The following ATAD5 variants were observed in gnomAD, a reference collection of about 807,000 sequenced individuals.
ATAD5 encodes the protein ATPase family AAA domain containing 5, also known as ATPase family AAA domain-containing protein 5.
A neutral mutation model predicts 176.9 loss-of-function variants in ATAD5; 58 were observed. The observed-to-expected ratio is 0.33, with a 90% CI of 0.27 to 0.41. ATAD5 has a LOEUF of 0.41. ATAD5 is among the 10% of genes least tolerant of loss of function. The pLI, the probability that ATAD5 is intolerant of heterozygous loss-of-function variation, is 1.00. For missense variants in ATAD5, 1,789 were observed against 2,094.1 expected, an observed-to-expected ratio of 0.85 and a Z score of 2.84; for synonymous variants, 640 against 712.6, an observed-to-expected ratio of 0.90 and a Z score of 1.62.
rs745869283 is a variant in ATAD5, at chr17:30,894,115, T to C, written c.5262T>C (p.Asn1754=). The change falls in exon 21 of 23, where the codon AAT becomes AAC. Residue 1754 remains asparagine (N), a synonymous_variant. Transcript: ENST00000321990. ...CTTTTTATGTTTCACAAAAGCGCAATAATGTATACTTTAGTCAGTCAGCAG... is the reference window on the plus strand; with the variant it reads ...CTTTTTATGTTTCACAAAAGCGCAACAATGTATACTTTAGTCAGTCAGCAG... ...DLTFYVSQKR[N]NVYFSQSAAN... 5.0e-6 allele frequency: 8 copies of C among 1,589,624 alleles called. 1 individual carries two copies. The East Asian group carries it at 1.4e-4, about 27-fold the overall frequency.
intron 6 of ATAD5, among the ~76,000 whole-genome samples, chr17:30,846,860 A>G (rs542828031): frequency 2.8e-4 from 43 of 151,454 alleles, no homozygotes; most frequent in Admixed American, 7.3e-4. Flanking sequence ...AGCTGGGATT[A>G]CAGGCATGTG....
intron 6 of ATAD5, among the ~76,000 whole-genome samples, chr17:30,852,424 G>T (rs1907025063): frequency 6.6e-6 from 1 of 152,128 alleles, no homozygotes. Flanking sequence ...GTGGAGGATG[G>T]TATTTAGAGA....
In ATAD5 at chr17:30,834,551, C is replaced by A. The variant is rs756690738; in HGVS notation, c.470C>A (p.Ser157Tyr). 6 of 1,600,142 alleles carry A rather than the reference C, an allele frequency of 3.7e-6. No individual in the cohort carries two copies. The South Asian group carries it at 5.7e-5, about 15-fold the overall frequency. ...LNNDFVESSTSVLRYKKQVEV... is the reference protein window; with the variant it reads ...LNNDFVESSTYVLRYKKQVEV... ...AATGATTTTGTGGAAAGTAGTACTT[C>A]TGTTTTACGTTACAAGAAACAAGTA... Residue 157 changes from serine to tyrosine, a missense_variant, in exon 2 of 23, where the codon TCT (serine) becomes TAT (tyrosine). Around this residue, in one of 6 missense-constraint regions of ATAD5, gnomAD observed 696 missense variants for 712.5 expected, o/e 0.98. Coordinates refer to ENST00000321990, the MANE Select transcript of ATAD5 (RefSeq NM_024857.5).
rs770018311 is a variant in ATAD5, at chr17:30,835,398, AGAT to A, written c.1321_1323del (p.Asp441del). On this transcript the variant is annotated inframe_deletion, in exon 2 of 23. Coordinates refer to ENST00000321990, the MANE Select transcript of ATAD5 (RefSeq NM_024857.5). Reference sequence around the variant, plus strand: ...AAAAATGTCTATATGAAGTAGGAAGAGATGATAATTCTAAAAAAATCATGGAAA... The same window carrying A: ...AAAAATGTCTATATGAAGTAGGAAGAGATAATTCTAAAAAAATCATGGAAA... 7.5e-6 allele frequency: 12 copies of A among 1,609,890 alleles called. No individual in the cohort carries two copies. In the African/African-American group the frequency reaches 1.5e-4, roughly 20 times the overall value.
At chr17:30,851,874 GC>G (rs1322881673) in intron 6 of ATAD5, among the ~76,000 whole-genome samples, 1 of 152,102 alleles carries the variant, frequency 6.6e-6, no homozygotes, top group Non-Finnish European at 1.5e-5. Context: ...GAGCTATCTT[GC>G]CTGGCCTCTT....
intron 5 of ATAD5, 73 bp from the exon 6 acceptor site, chr17:30,844,747 CAAAAAAAAAAAAAAA>C (rs569986111): frequency 8.7e-6 from 3 of 343,394 alleles, no homozygotes; most frequent in East Asian, 2.1e-4. Flanking sequence ...GACTCCATCT[CAAAAAAAAAAAAAAA>C]AAAAAAAAAA....
At position 30,892,737 on chromosome 17, in the gene ATAD5, T is replaced by C; in HGVS notation, c.4389T>C (p.Phe1463=). The change falls in exon 20 of 23, where the codon TTT becomes TTC. Residue 1463 remains phenylalanine, a synonymous_variant. Coordinates refer to ENST00000321990, the MANE Select transcript of ATAD5 (RefSeq NM_024857.5). ...KCDSGCAETL[F]GLKNIFSPSE... is the part of the protein sequence containing the mutation. ...ACAGTGGCTGTGCTGAGACCTTGTT[T>C]GGCCTTAAGAACATTTTTTCCCCAT... 4 of 1,584,434 alleles carry C rather than the reference T, an allele frequency of 2.5e-6. No individual in the cohort carries two copies. The highest frequency in any genetic ancestry group is 3.4e-6 in the Non-Finnish European group (4 of 1,167,106).
intron 14 of ATAD5, among the ~76,000 whole-genome samples, chr17:30,871,888 G>T (rs1423403277): frequency 6.6e-6 from 1 of 151,936 alleles, no homozygotes; most frequent in Non-Finnish European, 1.5e-5. Flanking sequence ...CTGTGATGTG[G>T]TTAAGTTAGT....
intron 12 of ATAD5, 29 bp downstream of exon 12, chr17:30,868,441 T>TA (rs1908127547): frequency 7.7e-7 from 1 of 1,307,086 alleles, no homozygotes; most frequent in African/African-American, 1.5e-5. Context: ...TTTTTTTTTT[T>TA]ACCATTTCAC....
chr17:30,865,174 T>A (rs1456743191), intron 10 of ATAD5, among the ~76,000 whole-genome samples: 2 of 141,760 alleles, frequency 1.4e-5, no homozygotes, highest in East Asian at 4.0e-4. Flanking sequence ...TGCACTTTAA[T>A]TTTTTTTTTT....
chr17:30,895,027 C>T lies in ATAD5; in HGVS notation c.*114C>T. 1 of 628,330 alleles carries T rather than the reference C, an allele frequency of 1.6e-6. No individual in the cohort carries two copies. Among genetic ancestry groups the T allele is most frequent in the Non-Finnish European group, 2.4e-6 (1 of 411,164 alleles). The allele number at this position is 628,330 out of a possible 1,614,324, so 38.9% of individuals were successfully genotyped here. ...TTTCTCGATGTACATTTTAAACAAA[C>T]AATTTGTATATTTTTTTATTGGCGG... On this transcript the variant is annotated 3_prime_UTR_variant, in exon 23 of 23. Transcript: ENST00000321990.
At chr17:30,881,763 A>C (rs560001339) in intron 18 of ATAD5, among the ~76,000 whole-genome samples, 6 of 151,788 alleles carry the variant, frequency 4.0e-5, no homozygotes, top group Non-Finnish European at 8.8e-5. Context: ...AAATTAAAAA[A>C]ATTAGCTGGA....
At position 30,895,152 on chromosome 17, in the gene ATAD5, TTGTA is replaced by T. The variant is rs1567703620; in HGVS notation, c.*243_*246del. 3.1e-6 allele frequency: 1 copy of T among 326,470 alleles called. No homozygotes were observed. Among genetic ancestry groups the T allele is most frequent in the Non-Finnish European group, 5.6e-6 (1 of 180,036 alleles). 20.2% of individuals were successfully genotyped at this position (326,470 alleles called of 1,614,324 possible). A position where few individuals can be genotyped will look rare whatever the true frequency, so the allele number is the denominator to read the frequency against. On this transcript the variant is annotated 3_prime_UTR_variant, in exon 23 of 23. Coordinates refer to ENST00000321990, the MANE Select transcript of ATAD5 (RefSeq NM_024857.5). ...TGATTTAGCTTTGTTGGAGTATTTT[TTGTA>T]TGTGAGTGAACTGTTTCTGGAAGGT...
chr17:30,841,190 G>T (rs1276411633), intron 4 of ATAD5, among the ~76,000 whole-genome samples: 1 of 152,032 alleles, frequency 6.6e-6, no homozygotes, highest in Non-Finnish European at 1.5e-5. Context: ...TGTATTTTTG[G>T]TAGAGACAGG....
chr17:30,843,606 C>T (rs2142323748), intron 4 of ATAD5, among the ~76,000 whole-genome samples: 1 of 150,642 alleles, frequency 6.6e-6, no homozygotes, highest in Middle Eastern at 3.4e-3. Context: ...GCCAAGAGTA[C>T]ACCACTGCAC....
intron 6 of ATAD5, among the ~76,000 whole-genome samples, chr17:30,854,233 T>C (rs1424075858): frequency 6.8e-6 from 1 of 147,188 alleles, no homozygotes; most frequent in Non-Finnish European, 1.5e-5. Context: ...AATTATATAA[T>C]TATATTTTAT....
intron 14 of ATAD5, among the ~76,000 whole-genome samples, chr17:30,876,107 A>C (rs1908655286): frequency 6.6e-6 from 1 of 152,186 alleles, no homozygotes; most frequent in African/African-American, 2.4e-5. Flanking sequence ...ACTGCACTCC[A>C]GCCTGGGCGA....
chr17:30,879,346 A>C (rs1908873547), intron 17 of ATAD5, 77 bp from the exon 18 acceptor site: 1 of 1,519,088 alleles, frequency 6.6e-7, no homozygotes, highest in Admixed American at 1.8e-5. Context: ...TTTCATAGAA[A>C]AGTATAACTT....
chr17:30,848,031 A>T (rs894371408), intron 6 of ATAD5, among the ~76,000 whole-genome samples: 1 of 152,066 alleles, frequency 6.6e-6, no homozygotes, highest in Non-Finnish European at 1.5e-5. Flanking sequence ...GACTGCTATG[A>T]ACATTCTTAT....
Sources: allele counts gnomAD v4.1 joint callset (sites outside exome capture counted in the v4.1 genomes callset), GRCh38; gene constraint gnomAD v4.1.1; regional missense constraint gnomAD v4.1.1; transcripts MANE v1.5; gene names NCBI Gene and HGNC (gene_info 2026-07-23, HGNC 2026-07-21).